TIGAR: variants seen among roughly 807,000 people sequenced by gnomAD.
TIGAR encodes the protein fructose-2,6-bisphosphatase TIGAR.
In TIGAR, 7 loss-of-function variants were observed where a neutral mutation model predicts 17.9. That is an observed-to-expected ratio of 0.39 (90% confidence interval 0.22 to 0.73). The LOEUF is 0.73. TIGAR is among the 30% of genes least tolerant of loss of function. The pLI is 0.42. For synonymous variants in TIGAR, 94 were observed against 108.6 expected, an observed-to-expected ratio of 0.87 and a Z score of 0.84; for missense variants, 258 against 327.4, an observed-to-expected ratio of 0.79 and a Z score of 1.64.
At chr12:4,351,524 A>G (rs1864838425) in intron 5 of TIGAR, 147 bp downstream of exon 5, 1 of 655,342 alleles carries the variant, frequency 1.5e-6, no homozygotes, top group South Asian at 2.1e-5. Context: ...ATTCTTTTCT[A>G]TTTAAAATCT....
rs760012055 is a variant in TIGAR at position 4,352,341 on chromosome 12, C to G, written c.463C>G (p.Gln155Glu). 1 of 1,614,058 alleles carries G rather than the reference C, an allele frequency of 6.2e-7. No homozygotes were observed. The highest frequency in any genetic ancestry group is 8.5e-7 in the Non-Finnish European group (1 of 1,179,992). The change falls in exon 6 of 6, where the codon CAA becomes GAA. Residue 155 changes from glutamine to glutamate, a missense_variant. Coordinates refer to ENST00000179259, the MANE Select transcript of TIGAR (RefSeq NM_020375.3). ...AGCGGATCAAAAAGAACAGTTTTCC[C>G]AAGGATCTCCAAGCAACTGTCTGGA... Reference protein sequence around the residue: ...KEADQKEQFSQGSPSNCLETS... With the variant: ...KEADQKEQFSEGSPSNCLETS...
intron 3 of TIGAR, among the ~76,000 whole-genome samples, chr12:4,343,291 T>C (rs1218512211): frequency 2.6e-5 from 4 of 152,142 alleles, no homozygotes; most frequent in Non-Finnish European, 5.9e-5. Flanking sequence ...AATGGGAGAA[T>C]TTAACACCCC....
chr12:4,352,230 T>G (rs1267008267), intron 5 of TIGAR, 30 bp from the exon 6 acceptor site: 1 of 1,577,008 alleles, frequency 6.3e-7, no homozygotes, highest in Non-Finnish European at 8.6e-7. Flanking sequence ...TAATGTCACT[T>G]TATTTTGACT....
In TIGAR at chr12:4,359,524, T is replaced by C. The variant is rs1050496947; in HGVS notation, c.*6833T>C. On this transcript the variant is annotated 3_prime_UTR_variant, in exon 6 of 6. Coordinates refer to ENST00000179259, the MANE Select transcript of TIGAR (RefSeq NM_020375.3). ...AACCAAGATCTCGGTGCCAGGGTGCTCATTGCTAATAGTGCCTTTAAAAAA... is the reference window on the plus strand; with the variant it reads ...AACCAAGATCTCGGTGCCAGGGTGCCCATTGCTAATAGTGCCTTTAAAAAA... Among the ~76,000 whole-genome samples the C allele has an allele frequency of 5.9e-5, 9 of 152,164 alleles. No individual in the cohort carries two copies. The highest frequency in any genetic ancestry group is 2.2e-4 in the African/African-American group (9 of 41,430).
rs554059597 is a variant in TIGAR, at chr12:4,355,569, A to G, written c.*2878A>G. Among the ~76,000 whole-genome samples the G allele has an allele frequency of 3.3e-5, 5 of 152,350 alleles. No homozygotes were observed. The South Asian group carries it at 8.3e-4, about 25-fold the overall frequency. Reference sequence around the variant, plus strand: ...TACAAATTTTATTGGAGTCACATGCATCTCTTCATCTATTCAATACGTATT... The same window carrying G: ...TACAAATTTTATTGGAGTCACATGCGTCTCTTCATCTATTCAATACGTATT... On this transcript the variant is annotated 3_prime_UTR_variant, in exon 6 of 6. Transcript: ENST00000179259.
chr12:4,349,600 G>A (rs1282101854), intron 3 of TIGAR, among the ~76,000 whole-genome samples: 1 of 152,064 alleles, frequency 6.6e-6, no homozygotes, highest in Non-Finnish European at 1.5e-5. Flanking sequence ...TGTATTTTTA[G>A]TAGAGATAGG....
At chr12:4,335,212 T>G (rs1013092724) in intron 2 of TIGAR, among the ~76,000 whole-genome samples, 6 of 152,108 alleles carry the variant, frequency 3.9e-5, no homozygotes, top group African/African-American at 1.4e-4. Context: ...TAATTTTGTA[T>G]TTTTAGTAGA....
chr12:4,343,029 G>A (rs1357448880), intron 3 of TIGAR, among the ~76,000 whole-genome samples: 4 of 152,202 alleles, frequency 2.6e-5, no homozygotes, highest in African/African-American at 7.2e-5. Context: ...TCAAAATAAA[G>A]GGATGGAGGA....
chr12:4,344,699 T>C (rs1374626286), intron 3 of TIGAR, among the ~76,000 whole-genome samples: 1 of 152,144 alleles, frequency 6.6e-6, no homozygotes, highest in Non-Finnish European at 1.5e-5. Flanking sequence ...AAACTCTCAA[T>C]AAATTAGATA....
chr12:4,334,057 TC>T (rs138436085), intron 2 of TIGAR, among the ~76,000 whole-genome samples: 2,753 of 152,264 alleles, frequency 0.018, 72 homozygotes, highest in African/African-American at 0.063. Flanking sequence ...TTGGTTTTTT[TC>T]CTGTTCCACA....
At chr12:4,338,795 C>T (rs990525925) in intron 3 of TIGAR, among the ~76,000 whole-genome samples, 9 of 151,750 alleles carry the variant, frequency 5.9e-5, no homozygotes, top group Admixed American at 2.0e-4. Flanking sequence ...CTGGGCAATA[C>T]GGTGAAACAC....
At position 4,355,988 on chromosome 12, in the gene TIGAR, A is replaced by G. The variant is rs1314335108; in HGVS notation, c.*3297A>G. ...GTGACGGGAGAAGAGGACAGGCCACATGGCCTGGTGGCCTGTGCTGAGGCC... is the reference window on the plus strand; with the variant it reads ...GTGACGGGAGAAGAGGACAGGCCACGTGGCCTGGTGGCCTGTGCTGAGGCC... On this transcript the variant is annotated 3_prime_UTR_variant, in exon 6 of 6. Coordinates refer to ENST00000179259, the MANE Select transcript of TIGAR (RefSeq NM_020375.3). 3.3e-4 allele frequency among the ~76,000 whole-genome samples: 51 copies of G among 152,338 alleles called. No homozygotes were observed. The highest frequency in any genetic ancestry group is 1.0e-4 in the Non-Finnish European group (7 of 68,018).
intron 2 of TIGAR, among the ~76,000 whole-genome samples, chr12:4,332,914 A>G (rs765574270): frequency 4.3e-4 from 66 of 152,214 alleles, no homozygotes; most frequent in Non-Finnish European, 7.3e-4. Context: ...TGAGTGCAGT[A>G]TTTTTAATTT....
chr12:4,351,692 TAACTC>T (rs1439077755), intron 5 of TIGAR, among the ~76,000 whole-genome samples: 1 of 152,102 alleles, frequency 6.6e-6, no homozygotes, highest in Admixed American at 6.6e-5. Context: ...CGAGGTGAAA[TAACTC>T]AAAACATGAA....
At position 4,355,390 on chromosome 12, in the gene TIGAR, G is replaced by A. The variant is rs1354851160; in HGVS notation, c.*2699G>A. 6.6e-6 allele frequency among the ~76,000 whole-genome samples: 1 copy of A among 152,108 alleles called. No individual in the cohort carries two copies. The highest frequency in any genetic ancestry group is 1.5e-5 in the Non-Finnish European group (1 of 68,028). On this transcript the variant is annotated 3_prime_UTR_variant, in exon 6 of 6. Coordinates refer to ENST00000179259, the MANE Select transcript of TIGAR (RefSeq NM_020375.3). ...TAGTTATCTGTGTATTTCCTTATCA[G>A]TGTCATACTTAGTTACTGTGGCTTT...
chr12:4,335,091 G>T (rs1379651957), intron 2 of TIGAR, among the ~76,000 whole-genome samples: 1 of 152,046 alleles, frequency 6.6e-6, no homozygotes, highest in Non-Finnish European at 1.5e-5. Context: ...AGGCTGGAGT[G>T]CAGTGGTGTG....
Position 4,352,556 on chromosome 12 carries a change from T to TA in TIGAR, c.679dup (p.Met227AsnfsTer17). 1 of 1,614,042 alleles carries TA rather than the reference T, an allele frequency of 6.2e-7. No individual in the cohort carries two copies. Among genetic ancestry groups the TA allele is most frequent in the Non-Finnish European group, 8.5e-7 (1 of 1,180,032 alleles). The stretch of plus-strand genomic sequence containing the variant: ...CAGCCACTCTGAGCAGATCTGAACT[T>TA]ATGTCAGTCACTCCCAATACAGGGA... On this transcript the variant is annotated frameshift_variant, in exon 6 of 6. Transcript: ENST00000179259. LOFTEE classifies it low-confidence loss of function (END_TRUNC).
In TIGAR at chr12:4,357,386, A is replaced by T. The variant is rs867945743; in HGVS notation, c.*4695A>T. On this transcript the variant is annotated 3_prime_UTR_variant, in exon 6 of 6. Coordinates refer to ENST00000179259, the MANE Select transcript of TIGAR (RefSeq NM_020375.3). Reference sequence around the variant, plus strand: ...CAGACACAGGAGATGCAAAGGAAAGAAGTATTCAGTAGAGCGGTGGTGCTG... The same window carrying T: ...CAGACACAGGAGATGCAAAGGAAAGTAGTATTCAGTAGAGCGGTGGTGCTG... Among the ~76,000 whole-genome samples the T allele has an allele frequency of 7.2e-5, 11 of 152,218 alleles. No individual in the cohort carries two copies. Among genetic ancestry groups the T allele is most frequent in the Admixed American group, 1.3e-4 (2 of 15,286 alleles).
At position 4,358,082 on chromosome 12, in the gene TIGAR, T is replaced by C. The variant is rs1193967307; in HGVS notation, c.*5391T>C. 2.4e-4 allele frequency among the ~76,000 whole-genome samples: 32 copies of C among 134,518 alleles called. No homozygotes were observed. Among genetic ancestry groups the C allele is most frequent in the Non-Finnish European group, 2.5e-4 (16 of 64,952 alleles). The allele number at this position is 134,518 out of a possible 152,430, so 88.2% of individuals were successfully genotyped here. A position where few individuals can be genotyped will look rare whatever the true frequency, so the allele number is the denominator to read the frequency against. The stretch of plus-strand genomic sequence containing the variant: ...TCGCGCCACTGCACTGCAGCCTGGG[T>C]GACAGAGCAAGACTGGGTCTCAAAA... On this transcript the variant is annotated 3_prime_UTR_variant, in exon 6 of 6. Transcript: ENST00000179259.
Sources: gnomAD v4.1 joint callset for allele counts (sites outside exome capture counted in the v4.1 genomes callset) on GRCh38, gnomAD v4.1.1 for gene constraint, MANE v1.5 for transcripts, NCBI Gene and HGNC (gene_info 2026-07-23, HGNC 2026-07-21) for gene names.